Variants in NXPE3 observed in about 807,000 individuals in gnomAD.
The protein encoded by NXPE3 is neurexophilin and PC-esterase domain family member 3, also known as NXPE family member 3.
In NXPE3, 26 loss-of-function variants were observed where a neutral mutation model predicts 46.1. That is an observed-to-expected ratio of 0.56 (90% CI 0.41 to 0.78). The LOEUF (loss-of-function observed/expected upper bound fraction) is 0.78, where lower values mean the gene tolerates loss of function less well. Ranked by LOEUF, NXPE3 falls within the 30% of genes least tolerant of loss-of-function variation. The pLI is 0.00. For missense variants in NXPE3, 620 were observed against 686.0 expected (o/e 0.90, Z 1.07); for synonymous variants, 272 against 257.9 (o/e 1.05, Z -0.52).
chr3:101,788,246 G>A (rs59939458), intron 4 of NXPE3, among the ~76,000 whole-genome samples: 1 of 152,094 alleles, frequency 6.6e-6, no homozygotes, highest in Non-Finnish European at 1.5e-5. Context: ...TTGTTGTTGA[G>A]TTGTAGGAGT....
chr3:101,790,202 T>C (rs61396602), intron 4 of NXPE3, among the ~76,000 whole-genome samples: 45,137 of 152,094 alleles, frequency 0.3, 6,991 homozygotes, highest in Non-Finnish European at 0.34. Context: ...CATTCTGCTT[T>C]TATTGCATGG....
In NXPE3 at chr3:101,822,464, T is replaced by G. The variant is rs1942300786; in HGVS notation, c.*510T>G. 6.5e-6 allele frequency: 1 copy of G among 152,808 alleles called. No individual in the cohort carries two copies. The highest frequency in any genetic ancestry group is 1.5e-5 in the Non-Finnish European group (1 of 68,484). The allele number at this position is 152,808 out of a possible 1,614,324, so 9.5% of individuals were successfully genotyped here. ...CTGAAGACTGCTGTGTCTCAGGAGT[T>G]TCTCTTGATGATCTACCTTTTCTGA... is the stretch of plus-strand genomic sequence containing the variant. On this transcript the variant is annotated 3_prime_UTR_variant, in exon 8 of 8. Transcript: ENST00000273347.
chr3:101,802,491 T>C (rs1941219173), intron 5 of NXPE3, among the ~76,000 whole-genome samples: 1 of 151,824 alleles, frequency 6.6e-6, no homozygotes, highest in South Asian at 2.1e-4. Context: ...ACAGGGCTGG[T>C]AGGGCTGGTA....
chr3:101,808,854 T>TATATATACACATATATATAC (rs770360739), intron 6 of NXPE3, among the ~76,000 whole-genome samples: 1 of 100,348 alleles, frequency 1.0e-5, no homozygotes, highest in African/African-American at 3.6e-5. Context: ...TATATATATA[T>TATATATACACATATATATAC]ATGAGACATT....
At chr3:101,809,762 G>T (rs1289490496) in intron 6 of NXPE3, among the ~76,000 whole-genome samples, 2 of 152,160 alleles carry the variant, frequency 1.3e-5, no homozygotes, top group Non-Finnish European at 2.9e-5. Context: ...AGTTTTGGCA[G>T]TTGGGGAACA....
At chr3:101,795,295 A>T (rs1940761327) in intron 4 of NXPE3, among the ~76,000 whole-genome samples, 1 of 152,204 alleles carries the variant, frequency 6.6e-6, no homozygotes, top group Non-Finnish European at 1.5e-5. Context: ...AGGTGGGCGG[A>T]TCATCTGAGG....
rs1280601976 is a variant in NXPE3 at position 101,826,666 on chromosome 3, A to G, written c.*4712A>G. On this transcript the variant is annotated 3_prime_UTR_variant, in exon 8 of 8. Transcript: ENST00000273347. ...CAGGAGTTTAAAGGACACAGAAGCT[A>G]GGAGAGCAGAAAATGTACTCCACCA... 2.0e-5 allele frequency: 3 copies of G among 152,220 alleles called. No individual in the cohort carries two copies. The highest frequency in any genetic ancestry group is 4.4e-5 in the Non-Finnish European group (3 of 68,034). 9.4% of individuals were successfully genotyped at this position (152,220 alleles called of 1,614,324 possible). A position where few individuals can be genotyped will look rare whatever the true frequency, so the allele number is the denominator to read the frequency against.
In NXPE3 at chr3:101,782,110, CAAG is replaced by C. The variant is rs1407044653; in HGVS notation, c.-491_-489del. 6.6e-6 allele frequency: 1 copy of C among 151,872 alleles called. No homozygotes were observed. Among genetic ancestry groups the C allele is most frequent in the African/African-American group, 2.4e-5 (1 of 41,324 alleles). 9.4% of individuals were successfully genotyped at this position (151,872 alleles called of 1,614,324 possible). A position where few individuals can be genotyped will look rare whatever the true frequency, so the allele number is the denominator to read the frequency against. On this transcript the variant is annotated splice_region_variant and 5_prime_UTR_variant, in exon 2 of 8. Coordinates refer to ENST00000273347, the MANE Select transcript of NXPE3 (RefSeq NM_145037.4). ...TATCATATGCATATTTTTGTTTCAG[CAAG>C]AAGAATTGTATAGAAATGTAAAAAA... is the stretch of plus-strand genomic sequence containing the variant.
intron 5 of NXPE3, 60 bp from the exon 6 acceptor site, chr3:101,806,993 C>T (rs1377983541): frequency 9.0e-7 from 1 of 1,107,654 alleles, no homozygotes. Flanking sequence ...CCAATAAAGA[C>T]ATATATCTGA....
Position 101,801,500 on chromosome 3 carries a change from G to C in NXPE3, c.359G>C (p.Gly120Ala), listed in dbSNP as rs1364419789. The C allele has an allele frequency of 1.2e-6, 2 of 1,614,028 alleles. No individual in the cohort carries two copies. The highest frequency in any genetic ancestry group is 1.7e-6 in the Non-Finnish European group (2 of 1,180,040). ...ILNSAAFFKV[G>A]SQLEVLVHVQ... ...AACTCTGCTGCCTTCTTTAAGGTGG[G>C]AAGCCAGCTTGAGGTGCTGGTTCAT... The change falls in exon 5 of 8, where the codon GGA becomes GCA. Residue 120 changes from glycine (G) to alanine (A), a missense_variant. Physicochemically the swap from Gly to Ala is moderately conservative, Grantham distance 60. Coordinates refer to ENST00000273347, the MANE Select transcript of NXPE3 (RefSeq NM_145037.4).
intron 4 of NXPE3, among the ~76,000 whole-genome samples, chr3:101,798,557 CTA>C (rs1050527910): frequency 2.1e-5 from 3 of 141,730 alleles, no homozygotes; most frequent in South Asian, 2.2e-4. Flanking sequence ...AGATATATGT[CTA>C]TATATATAAT....
Position 101,801,307 on chromosome 3 carries a change from G to C in NXPE3, c.166G>C (p.Gly56Arg). The change falls in exon 5 of 8, where the codon GGA (glycine) becomes CGA (arginine). Residue 56 changes from glycine (G) to arginine (R), a missense_variant. Around this residue, in one of 3 missense-constraint regions of NXPE3, gnomAD observed 511 missense variants for 528.6 expected, o/e 0.97. Transcript: ENST00000273347. ...SGQFVSSQVT[G>R]ISRNPYCGYD... is the part of the protein sequence containing the mutation. Reference sequence around the variant, plus strand: ...ACAGTTTGTTTCCTCCCAGGTGACAGGAATTAGCCGAAATCCCTACTGTGG... The same window carrying C: ...ACAGTTTGTTTCCTCCCAGGTGACACGAATTAGCCGAAATCCCTACTGTGG... The C allele has an allele frequency of 1.9e-6, 3 of 1,614,230 alleles. No homozygotes were observed. The highest frequency in any genetic ancestry group is 2.5e-6 in the Non-Finnish European group (3 of 1,180,048).
At chr3:101,802,236 C>T (rs1941202062) in intron 5 of NXPE3, among the ~76,000 whole-genome samples, 1 of 152,110 alleles carries the variant, frequency 6.6e-6, no homozygotes, top group Non-Finnish European at 1.5e-5. Context: ...TTGTTCTTTA[C>T]CCTCATATCT....
In NXPE3 at chr3:101,801,364, C is replaced by T. The variant is rs751813349; in HGVS notation, c.223C>T (p.Arg75Cys). Residue 75 changes from arginine (R) to cysteine (C), a missense_variant, in exon 5 of 8, where the codon CGC becomes TGC. Arg to Cys is a radical substitution (Grantham distance 180, BLOSUM62 -3). Around this residue, in one of 3 missense-constraint regions of NXPE3, gnomAD observed 511 missense variants for 528.6 expected, o/e 0.97. Coordinates refer to ENST00000273347, the MANE Select transcript of NXPE3 (RefSeq NM_145037.4). ...YDQQTLSSQE[R>C]MEEDSLLAAL... ...TCAGCAGACCCTGTCCAGCCAGGAGCGCATGGAGGAGGACTCCTTGCTGGC... is the reference window on the plus strand; with the variant it reads ...TCAGCAGACCCTGTCCAGCCAGGAGTGCATGGAGGAGGACTCCTTGCTGGC... 8.7e-6 allele frequency: 14 copies of T among 1,614,040 alleles called. No homozygotes were observed. The highest frequency in any genetic ancestry group is 3.3e-5 in the South Asian group (3 of 91,092).
intron 4 of NXPE3, 34 bp downstream of exon 4, chr3:101,785,723 G>T: frequency 6.3e-7 from 1 of 1,575,916 alleles, no homozygotes; most frequent in Non-Finnish European, 8.7e-7. Flanking sequence ...ATAACTAAGG[G>T]AGCCGAGTCT....
chr3:101,786,036 T>G (rs999738901), intron 4 of NXPE3, among the ~76,000 whole-genome samples: 2 of 151,870 alleles, frequency 1.3e-5, no homozygotes, highest in Non-Finnish European at 2.9e-5. Context: ...ACCTTTAGAG[T>G]GATGAAGGAA....
In NXPE3 at chr3:101,801,609, G is replaced by GAA; in HGVS notation, c.468_469insAA (p.Ala157LysfsTer114). The GAA allele has an allele frequency of 6.2e-7, 1 of 1,614,166 alleles. No individual in the cohort carries two copies. Among genetic ancestry groups the GAA allele is most frequent in the Non-Finnish European group, 8.5e-7 (1 of 1,180,024 alleles). On this transcript the variant is annotated frameshift_variant, in exon 5 of 8. Transcript: ENST00000273347. LOFTEE classifies it high-confidence loss of function. ...TTCACTCCCTCAAGCTGCAGGCTGG[G>GAA]GCTGTGGGCAGGGTGGTGGATTACC...
At chr3:101,781,152 T>C (rs1165471112) in intron 1 of NXPE3, among the ~76,000 whole-genome samples, 2 of 152,238 alleles carry the variant, frequency 1.3e-5, no homozygotes, top group Non-Finnish European at 2.9e-5. Flanking sequence ...TTCTGAACTA[T>C]ATATTCTGAA....
chr3:101,784,145 A>T (rs1447708882), intron 3 of NXPE3, among the ~76,000 whole-genome samples: 1 of 152,258 alleles, frequency 6.6e-6, no homozygotes, highest in Non-Finnish European at 1.5e-5. Context: ...TACCATGTAA[A>T]GAACTAAGTA....
Sources: allele counts gnomAD v4.1 joint callset (sites outside exome capture counted in the v4.1 genomes callset), GRCh38; gene constraint gnomAD v4.1.1; regional missense constraint gnomAD v4.1.1; transcripts MANE v1.5; gene names NCBI Gene and HGNC (gene_info 2026-07-23, HGNC 2026-07-21).